TMEM108: variants seen among roughly 807,000 people sequenced by gnomAD.
TMEM108 encodes cancer/testis antigen 124.
TMEM108 carries 12 observed loss-of-function variants against 35.1 expected under a neutral mutation model. That is an observed-to-expected ratio of 0.34 (90% CI 0.22 to 0.55). TMEM108 has a LOEUF of 0.55. Ranked by LOEUF, TMEM108 falls within the 20% of genes least tolerant of loss-of-function variation. The pLI is 0.89. For missense variants in TMEM108, 680 were observed against 753.3 expected (o/e 0.90, Z 1.14); for synonymous variants, 287 against 308.6 (o/e 0.93, Z 0.73).
intron 3 of TMEM108, among the ~76,000 whole-genome samples, chr3:133,295,078 G>T (rs190424070): frequency 3.9e-5 from 6 of 152,230 alleles, no homozygotes; most frequent in African/African-American, 1.4e-4. Context: ...ATGGTAAAAT[G>T]ATGAATTTAA....
intron 3 of TMEM108, among the ~76,000 whole-genome samples, chr3:133,289,624 A>G (rs1475696671): frequency 1.3e-5 from 2 of 152,238 alleles, no homozygotes; most frequent in Non-Finnish European, 2.9e-5. Context: ...ATGGTGTGCA[A>G]TCCGACTGTG....
chr3:133,073,510 CTATA>C lies in TMEM108; in HGVS notation c.-47+27512_-47+27515del, dbSNP rs1183039173. On this transcript the variant is annotated intron_variant, in intron 2 of 5. Coordinates refer to ENST00000321871, the MANE Select transcript of TMEM108 (RefSeq NM_023943.4). ...TCTCTCTCTCTCTCTCTCTCTCTCT[CTATA>C]TATATATATATATATATATATCACA... Among the ~76,000 whole-genome samples the C allele has an allele frequency of 5.7e-3, 252 of 43,906 alleles. 5 individuals carry two copies. The highest frequency in any genetic ancestry group is 0.024 in the African/African-American group (203 of 8,430). The allele number at this position is 43,906 out of a possible 152,430, so 28.8% of individuals were successfully genotyped here. A position where few individuals can be genotyped will look rare whatever the true frequency, so the allele number is the denominator to read the frequency against.
chr3:133,105,093 A>C (rs938500184), intron 2 of TMEM108, among the ~76,000 whole-genome samples: 5 of 152,214 alleles, frequency 3.3e-5, no homozygotes, highest in Admixed American at 3.3e-4. Context: ...GCAGCACAAA[A>C]TACTACAAGT....
intron 2 of TMEM108, among the ~76,000 whole-genome samples, chr3:133,068,532 A>G (rs932898041): frequency 6.6e-6 from 1 of 152,208 alleles, no homozygotes; most frequent in Admixed American, 6.5e-5. Flanking sequence ...TAAGGAGTAT[A>G]GATTTATACT....
At chr3:133,092,224 T>C (rs1318937074) in intron 2 of TMEM108, among the ~76,000 whole-genome samples, 1 of 152,194 alleles carries the variant, frequency 6.6e-6, no homozygotes, top group Non-Finnish European at 1.5e-5. Flanking sequence ...TCATTCCAGA[T>C]ACAGCCTGAC....
At chr3:133,365,740 C>CA (rs1394551658) in intron 3 of TMEM108, among the ~76,000 whole-genome samples, 1 of 152,170 alleles carries the variant, frequency 6.6e-6, no homozygotes, top group Non-Finnish European at 1.5e-5. Flanking sequence ...GGGCTCAACT[C>CA]AGAGTCAGGG....
chr3:133,043,799 A>G (rs1173205015), intron 1 of TMEM108, among the ~76,000 whole-genome samples: 1 of 152,080 alleles, frequency 6.6e-6, no homozygotes, highest in Non-Finnish European at 1.5e-5. Context: ...AGGTTCCTTT[A>G]TTTGTACCCA....
chr3:133,206,420 T>G (rs917048329), intron 2 of TMEM108, among the ~76,000 whole-genome samples: 2 of 152,250 alleles, frequency 1.3e-5, no homozygotes, highest in Non-Finnish European at 2.9e-5. Context: ...GGCAGGTTTT[T>G]CCTCATCTTT....
At chr3:133,106,420 T>A (rs1210532678) in intron 2 of TMEM108, among the ~76,000 whole-genome samples, 1 of 152,036 alleles carries the variant, frequency 6.6e-6, no homozygotes, top group Non-Finnish European at 1.5e-5. Flanking sequence ...CAACTCTAAA[T>A]CAAAACCATG....
At chr3:133,064,576 A>G (rs75954347) in intron 2 of TMEM108, among the ~76,000 whole-genome samples, 3,349 of 152,306 alleles carry the variant, frequency 0.022, 130 homozygotes, top group African/African-American at 0.076. Context: ...TTTATGAAAT[A>G]CTTGAATTGT....
At chr3:133,108,574 G>C (rs540489014) in intron 2 of TMEM108, among the ~76,000 whole-genome samples, 2 of 152,100 alleles carry the variant, frequency 1.3e-5, no homozygotes, top group South Asian at 2.1e-4. Flanking sequence ...TAGGTTGCCT[G>C]TTCACTCTGA....
intron 4 of TMEM108, among the ~76,000 whole-genome samples, chr3:133,382,014 A>G (rs1034795424): frequency 1.3e-5 from 2 of 152,220 alleles, no homozygotes; most frequent in African/African-American, 2.4e-5. Context: ...TGTATTCTCC[A>G]TAAAGAATCT....
chr3:133,101,237 C>T (rs1050724696), intron 2 of TMEM108, among the ~76,000 whole-genome samples: 9 of 152,128 alleles, frequency 5.9e-5, no homozygotes, highest in Non-Finnish European at 1.5e-5. Context: ...ATTTTTGAAA[C>T]ATATTTCATT....
intron 2 of TMEM108, among the ~76,000 whole-genome samples, chr3:133,126,569 A>G (rs1944420475): frequency 6.6e-6 from 1 of 151,990 alleles, no homozygotes; most frequent in Non-Finnish European, 1.5e-5. Flanking sequence ...AACCTCAAGT[A>G]TGAGCTTTAT....
intron 4 of TMEM108, among the ~76,000 whole-genome samples, chr3:133,386,213 A>G (rs2073145062): frequency 2.6e-5 from 4 of 152,344 alleles, no homozygotes; most frequent in African/African-American, 7.2e-5. Flanking sequence ...AAAATCAGAG[A>G]TGATGCATGT....
At position 133,318,920 on chromosome 3, in the gene TMEM108, C is replaced by CCAAAAAA. The variant is rs554573627; in HGVS notation, c.41-60832_41-60831insCAAAAAA. Among the ~76,000 whole-genome samples, 372 of 136,058 alleles carry CCAAAAAA rather than the reference C, an allele frequency of 2.7e-3. 5 individuals are homozygous for CCAAAAAA. Among genetic ancestry groups the CCAAAAAA allele is most frequent in the African/African-American group, 1.0e-2 (353 of 35,432 alleles). 89.3% of individuals were successfully genotyped at this position (136,058 alleles called of 152,430 possible). Reference sequence around the variant, plus strand: ...GAAGCAGCAAATTCTGCGAGATAGGCAAAAAAAAAAACTCAGGGGAAGTGT... The same window carrying CCAAAAAA: ...GAAGCAGCAAATTCTGCGAGATAGGCCAAAAAAAAAAAAAAAAACTCAGGGGAAGTGT... On this transcript the variant is annotated intron_variant, in intron 3 of 5. Transcript: ENST00000321871.
chr3:133,376,742 T>G lies in TMEM108; in HGVS notation c.41-3010T>G, dbSNP rs534051288. 5.3e-5 allele frequency among the ~76,000 whole-genome samples: 8 copies of G among 152,308 alleles called. No homozygotes were observed. In the South Asian group the frequency reaches 1.7e-3, roughly 32 times the overall value. ...TGCCCTCAGATTGGTTTTCCCTGTT[T>G]CACTAATCTCAGACCCCCACGGCTG... is the stretch of plus-strand genomic sequence containing the variant. On this transcript the variant is annotated intron_variant, in intron 3 of 5. Coordinates refer to ENST00000321871, the MANE Select transcript of TMEM108 (RefSeq NM_023943.4).
chr3:133,093,245 C>T (rs1943972001), intron 2 of TMEM108, among the ~76,000 whole-genome samples: 1 of 152,154 alleles, frequency 6.6e-6, no homozygotes, highest in Non-Finnish European at 1.5e-5. Flanking sequence ...CCTGCCTTGG[C>T]CTCCCAAAGT....
At chr3:133,058,416 C>T (rs547181510) in intron 2 of TMEM108, among the ~76,000 whole-genome samples, 7 of 152,372 alleles carry the variant, frequency 4.6e-5, no homozygotes, top group South Asian at 2.1e-4. Context: ...AAGCCTCAGA[C>T]GGGAGCTCAC....
Sources: allele counts gnomAD v4.1 joint callset (sites outside exome capture counted in the v4.1 genomes callset), GRCh38; gene constraint gnomAD v4.1.1; transcripts MANE v1.5; gene names NCBI Gene and HGNC (gene_info 2026-07-23, HGNC 2026-07-21).